Variants in CDH13 observed in about 807,000 individuals in gnomAD.
The protein encoded by CDH13 is cadherin-13.
A neutral mutation model predicts 63.8 loss-of-function variants in CDH13; 24 were observed. The observed-to-expected ratio is 0.38, with a 90% CI of 0.27 to 0.53. CDH13 has a LOEUF of 0.53. Ranked by LOEUF, CDH13 falls within the 20% of genes least tolerant of loss-of-function variation. CDH13 has a pLI of 0.85. For synonymous variants in CDH13, 503 were observed against 355.3 expected, an observed-to-expected ratio of 1.42 and a Z score of -4.67; for missense variants, 1,049 against 903.1, an observed-to-expected ratio of 1.16 and a Z score of -2.07.
Position 83,461,201 on chromosome 16 carries a change from TA to T in CDH13, c.782-25275del, listed in dbSNP as rs2073173206. The stretch of plus-strand genomic sequence containing the variant: ...TATATGTTGTATATGCATGTGTGTA[TA>T]TAGGTACATATACACATACATGTAT... On this transcript the variant is annotated intron_variant, in intron 6 of 13. Transcript: ENST00000567109. Among the ~76,000 whole-genome samples the T allele has an allele frequency of 2.0e-5, 3 of 152,262 alleles. No homozygotes were observed. The East Asian group carries it at 5.8e-4, about 29-fold the overall frequency.
chr16:83,050,536 C>G (rs2030196368), intron 3 of CDH13, among the ~76,000 whole-genome samples: 1 of 152,180 alleles, frequency 6.6e-6, no homozygotes, highest in Non-Finnish European at 1.5e-5. Context: ...CTTATTCCTC[C>G]TGCCATTGGA....
rs141360627 is a variant in CDH13 at position 83,197,772 on chromosome 16, A to T, written c.484-19573A>T. ...CAAAAAACTAAATACACACACACAC[A>T]CTCTCACACACTCACACACTCATAT... On this transcript the variant is annotated intron_variant, in intron 4 of 13. Coordinates refer to ENST00000567109, the MANE Select transcript of CDH13 (RefSeq NM_001257.5). 1.1e-3 allele frequency among the ~76,000 whole-genome samples: 168 copies of T among 150,930 alleles called. 2 individuals are homozygous for T. Among genetic ancestry groups the T allele is most frequent in the African/African-American group, 4.0e-3 (162 of 40,870 alleles).
chr16:82,784,476 G>A (rs2035910196), intron 1 of CDH13, among the ~76,000 whole-genome samples: 1 of 152,072 alleles, frequency 6.6e-6, no homozygotes, highest in Non-Finnish European at 1.5e-5. Flanking sequence ...CTGCTTTCAG[G>A]GTTTATCCTT....
At chr16:82,736,435 G>A (rs1318766231) in intron 1 of CDH13, among the ~76,000 whole-genome samples, 1 of 152,158 alleles carries the variant, frequency 6.6e-6, no homozygotes, top group Non-Finnish European at 1.5e-5. Flanking sequence ...CACAATGCTA[G>A]CCTTCCCAGA....
At chr16:82,749,169 G>C (rs536491402) in intron 1 of CDH13, among the ~76,000 whole-genome samples, 3 of 152,160 alleles carry the variant, frequency 2.0e-5, no homozygotes, top group Middle Eastern at 3.4e-3. Flanking sequence ...AAGAGAGAGA[G>C]AGAGACAGAG....
At chr16:83,416,773 A>G (rs947507440) in intron 6 of CDH13, among the ~76,000 whole-genome samples, 1 of 152,200 alleles carries the variant, frequency 6.6e-6, no homozygotes, top group African/African-American at 2.4e-5. Flanking sequence ...TGAGATTCAA[A>G]TCCTGGCTCT....
intron 1 of CDH13, among the ~76,000 whole-genome samples, chr16:82,756,142 C>G (rs1158053354): frequency 1.3e-5 from 2 of 152,110 alleles, no homozygotes; most frequent in African/African-American, 4.8e-5. Flanking sequence ...GAGGAAGTAG[C>G]TTGTAAAAAG....
At chr16:83,456,974 G>T (rs2073040439) in intron 6 of CDH13, among the ~76,000 whole-genome samples, 1 of 152,038 alleles carries the variant, frequency 6.6e-6, no homozygotes, top group African/African-American at 2.4e-5. Flanking sequence ...ATAATAAAAA[G>T]AAAGATCCCC....
At chr16:82,735,691 A>G (rs1458819538) in intron 1 of CDH13, among the ~76,000 whole-genome samples, 1 of 152,240 alleles carries the variant, frequency 6.6e-6, no homozygotes, top group Non-Finnish European at 1.5e-5. Flanking sequence ...CAGCTTCATT[A>G]TCCCACTGTG....
chr16:83,646,159 C>G (rs147935895), intron 8 of CDH13, among the ~76,000 whole-genome samples: 30 of 152,218 alleles, frequency 2.0e-4, no homozygotes, highest in Middle Eastern at 6.8e-3. Flanking sequence ...TAGACTCAGA[C>G]CAACCGGGGT....
At chr16:83,463,119 A>G (rs1170492103) in intron 6 of CDH13, among the ~76,000 whole-genome samples, 1 of 152,164 alleles carries the variant, frequency 6.6e-6, no homozygotes, top group Non-Finnish European at 1.5e-5. Flanking sequence ...AGTGTAATGA[A>G]AGATGAGCAG....
At chr16:83,056,370 T>A (rs555579061) in intron 3 of CDH13, among the ~76,000 whole-genome samples, 29 of 151,976 alleles carry the variant, frequency 1.9e-4, no homozygotes, top group South Asian at 6.3e-4. Context: ...TAACACTTTG[T>A]AATAGCTAAA....
chr16:83,116,954 G>A (rs751430738), intron 3 of CDH13, among the ~76,000 whole-genome samples: 5 of 152,160 alleles, frequency 3.3e-5, no homozygotes, highest in Non-Finnish European at 5.9e-5. Flanking sequence ...TTCACATGCA[G>A]CTTCTCATTT....
At chr16:83,267,180 C>T (rs1907724749) in intron 5 of CDH13, among the ~76,000 whole-genome samples, 1 of 152,104 alleles carries the variant, frequency 6.6e-6, no homozygotes, top group African/African-American at 2.4e-5. Context: ...AAACCCCAAC[C>T]CAACTGTTGT....
intron 3 of CDH13, among the ~76,000 whole-genome samples, chr16:83,070,262 T>C (rs377227099): frequency 6.6e-6 from 1 of 152,318 alleles, no homozygotes; most frequent in East Asian, 1.9e-4. Flanking sequence ...AACTAAATAT[T>C]TGATACAAGC....
intron 7 of CDH13, among the ~76,000 whole-genome samples, chr16:83,493,709 A>C (rs2074072458): frequency 2.0e-5 from 3 of 152,216 alleles, no homozygotes; most frequent in Non-Finnish European, 4.4e-5. Context: ...ATGTCATTCA[A>C]ACGATTATAG....
intron 2 of CDH13, among the ~76,000 whole-genome samples, chr16:82,940,608 C>T (rs1001138857): frequency 6.6e-6 from 1 of 152,192 alleles, no homozygotes; most frequent in Non-Finnish European, 1.5e-5. Context: ...TAGCTGGTTC[C>T]TGCTTCATAC....
At chr16:82,641,158 C>G (rs186637835) in intron 1 of CDH13, among the ~76,000 whole-genome samples, 25 of 152,262 alleles carry the variant, frequency 1.6e-4, no homozygotes, top group African/African-American at 5.8e-4. Flanking sequence ...TCCGAATGGT[C>G]CCTCCACAGA....
intron 10 of CDH13, among the ~76,000 whole-genome samples, chr16:83,682,529 G>T (rs1279300790): frequency 3.3e-5 from 5 of 152,186 alleles, no homozygotes; most frequent in African/African-American, 1.2e-4. Context: ...AGACAGCTTT[G>T]CTTGAATGAG....
Sources: allele counts gnomAD v4.1 joint callset (sites outside exome capture counted in the v4.1 genomes callset), GRCh38; gene constraint gnomAD v4.1.1; transcripts MANE v1.5; gene names NCBI Gene and HGNC (gene_info 2026-07-23, HGNC 2026-07-21).